The following ATXN2L variants were observed in gnomAD, a reference collection of about 807,000 sequenced individuals.
The protein encoded by ATXN2L is ataxin-2-like protein.
Under a neutral mutation model 120.7 loss-of-function variants are expected in ATXN2L, and 24 were observed. The observed-to-expected ratio is 0.20, with a 90% confidence interval of 0.14 to 0.28. The LOEUF is 0.28. Among genes scored for constraint, ATXN2L ranks in the 10% least tolerant of loss-of-function variants. ATXN2L has a pLI of 1.00. For missense variants in ATXN2L, 1,312 were observed against 1,432.3 expected (o/e 0.92, Z 1.36); for synonymous variants, 653 against 568.1 (o/e 1.15, Z -2.13).
rs1433546255 is a variant in ATXN2L, at chr16:28,836,480, G to A, written c.*215G>A. 1 of 1,610,260 alleles carries A rather than the reference G, an allele frequency of 6.2e-7. No individual in the cohort carries two copies. The highest frequency in any genetic ancestry group is 1.1e-5 in the South Asian group (1 of 90,670). ...GTGACCCCGACTGTCTCCTGACTTAGCCGAGGTAAGGTCAGTGCAGCAGAC... is the reference window on the plus strand; with the variant it reads ...GTGACCCCGACTGTCTCCTGACTTAACCGAGGTAAGGTCAGTGCAGCAGAC... On this transcript the variant is annotated 3_prime_UTR_variant, in exon 22 of 22. Transcript: ENST00000336783.
chr16:28,833,806 A>G, intron 15 of ATXN2L: 1 of 616,770 alleles, frequency 1.6e-6, no homozygotes, highest in Non-Finnish European at 2.8e-6. Context: ...TGGGGTAGTC[A>G]TGAACAGAGG....
rs936935269 is a variant in ATXN2L at position 28,826,994 on chromosome 16, C to T, written c.741+8C>T. On this transcript the variant is annotated splice_region_variant and intron_variant, in intron 6 of 21. Transcript: ENST00000336783. ...GACCTCGAGTCTGACATGGTATAGC[C>T]TCCTTCCCTGAGAACTTGGGAGCTG... 2 of 1,466,764 alleles carry T rather than the reference C, an allele frequency of 1.4e-6. No homozygotes were observed. The highest frequency in any genetic ancestry group is 1.4e-5 in the African/African-American group (1 of 70,816). 90.9% of individuals were successfully genotyped at this position (1,466,764 alleles called of 1,614,324 possible).
At position 28,823,427 on chromosome 16, in the gene ATXN2L, C is replaced by T; in HGVS notation, c.168C>T (p.Ser56=). 7.6e-7 allele frequency: 1 copy of T among 1,309,946 alleles called. No individual in the cohort carries two copies. Among genetic ancestry groups the T allele is most frequent in the East Asian group, 3.1e-5 (1 of 32,078 alleles). The allele number at this position is 1,309,946 out of a possible 1,614,324, so 81.1% of individuals were successfully genotyped here. A position where few individuals can be genotyped will look rare whatever the true frequency, so the allele number is the denominator to read the frequency against. Residue 56 remains serine (S), a synonymous_variant, in exon 1 of 22, where the codon TCC becomes TCT. Coordinates refer to ENST00000336783, the MANE Select transcript of ATXN2L (RefSeq NM_007245.4). ...CTCCCGGGCCTCCAGCGGCCGCCTCCCCCTGCCTGGGGCCTGTGGCCGCTG... is the reference window on the plus strand; with the variant it reads ...CTCCCGGGCCTCCAGCGGCCGCCTCTCCCTGCCTGGGGCCTGTGGCCGCTG... ...AAPPGPPAAA[S]PCLGPVAAAG... is the part of the protein sequence containing the mutation.
chr16:28,827,007 A>T, intron 6 of ATXN2L, 21 bp downstream of exon 6: 1 of 1,433,988 alleles, frequency 7.0e-7, no homozygotes, highest in African/African-American at 1.4e-5. Context: ...CTTCCCTGAG[A>T]ACTTGGGAGC....
chr16:28,835,213 C>T (rs1449889542), intron 19 of ATXN2L, 26 bp downstream of exon 19: 3 of 1,609,334 alleles, frequency 1.9e-6, no homozygotes, highest in African/African-American at 2.7e-5. Context: ...GGTCCCTCTG[C>T]TCTGGGCTGT....
intron 15 of ATXN2L, 104 bp from the exon 16 acceptor site, chr16:28,833,961 G>A (rs959759055): frequency 3.8e-6 from 5 of 1,307,022 alleles, no homozygotes; most frequent in Non-Finnish European, 5.4e-6. Context: ...TGCAGAATAT[G>A]TTTGGTATGC....
chr16:28,824,864 T>C (rs1479294392), intron 1 of ATXN2L, among the ~76,000 whole-genome samples: 1 of 152,148 alleles, frequency 6.6e-6, no homozygotes, highest in Non-Finnish European at 1.5e-5. Context: ...ATGTGTTTGC[T>C]GGCTTATTAA....
At chr16:28,828,057 A>G (rs1467926994) in intron 6 of ATXN2L, among the ~76,000 whole-genome samples, 1 of 152,228 alleles carries the variant, frequency 6.6e-6, no homozygotes, top group South Asian at 2.1e-4. Flanking sequence ...CTGTTTTCAA[A>G]TATACACACA....
rs189978904 is a variant in ATXN2L, at chr16:28,823,100, C to T, written c.-160C>T. 0.052 allele frequency: 9,879 copies of T among 189,534 alleles called. 260 individuals carry two copies. Among genetic ancestry groups the T allele is most frequent in the South Asian group, 0.16 (776 of 4,928 alleles). The allele number at this position is 189,534 out of a possible 1,614,324, so 11.7% of individuals were successfully genotyped here. On this transcript the variant is annotated 5_prime_UTR_variant, in exon 1 of 22. Transcript: ENST00000336783. ...TCGCGGCGCTTCCTCGCGCCGCGGTCTTCTCTCTCCACCCCCGACACCGCG... is the reference window on the plus strand; with the variant it reads ...TCGCGGCGCTTCCTCGCGCCGCGGTTTTCTCTCTCCACCCCCGACACCGCG...
intron 8 of ATXN2L, 144 bp from the exon 9 acceptor site, chr16:28,830,471 G>C: frequency 1.3e-6 from 1 of 795,904 alleles, no homozygotes; most frequent in Non-Finnish European, 1.9e-6. Flanking sequence ...AACTAGGGCA[G>C]ATCTTCAAGT....
intron 10 of ATXN2L, 62 bp from the exon 11 acceptor site, chr16:28,832,143 G>A (rs2054725567): frequency 6.4e-7 from 1 of 1,557,140 alleles, no homozygotes; most frequent in Non-Finnish European, 8.8e-7. Context: ...TTTGAGTAAG[G>A]CCCTTGTACT....
chr16:28,831,064 C>T lies in ATXN2L; in HGVS notation c.1313C>T (p.Pro438Leu), dbSNP rs150743711. The change falls in exon 10 of 22, where the codon CCT becomes CTT. Residue 438 changes from proline (P) to leucine (L), a missense_variant. Transcript: ENST00000336783. ...TCTGGAGAAACTTCTGTTCCACCTC[C>T]TCCTGCAGGTAAAGCTTTAGTAGTG... ...RPSGETSVPP[P>L]PAVGRMYPPR... is the part of the protein sequence containing the mutation. 7.5e-6 allele frequency: 12 copies of T among 1,602,292 alleles called. No individual in the cohort carries two copies. In the African/African-American group the frequency reaches 9.4e-5, roughly 13 times the overall value.
Position 28,830,052 on chromosome 16 carries a change from C to T in ATXN2L, c.1028C>T (p.Ala343Val). The part of the protein sequence containing the change: ...QGSGRESPSL[A>V]SREGKYIPLP... Reference sequence around the variant, plus strand: ...TCAGGGCGGGAGAGCCCCAGCTTGGCATCCAGGTGACTGTTGCAAACAGCC... The same window carrying T: ...TCAGGGCGGGAGAGCCCCAGCTTGGTATCCAGGTGACTGTTGCAAACAGCC... The change falls in exon 8 of 22, where the codon GCA (alanine) becomes GTA (valine). Residue 343 changes from alanine (A) to valine (V), a missense_variant. Ala to Val is a moderately conservative substitution (Grantham distance 64, BLOSUM62 0). Transcript: ENST00000336783. The T allele has an allele frequency of 1.2e-6, 2 of 1,609,462 alleles. No homozygotes were observed. The highest frequency in any genetic ancestry group is 2.2e-5 in the South Asian group (2 of 90,958).
At position 28,834,172 on chromosome 16, in the gene ATXN2L, C is replaced by G; in HGVS notation, c.2133C>G (p.Ile711Met). 6.2e-7 allele frequency: 1 copy of G among 1,614,180 alleles called. No homozygotes were observed. Among genetic ancestry groups the G allele is most frequent in the Admixed American group, 1.7e-5 (1 of 60,014 alleles). ...GTGGGCTATACAGCCCCCAGTACAT[C>G]TCCTACATACCTCAGATCCACATGG... ...GQSGLYSPQY[I>M]SYIPQIHMGP... The change falls in exon 16 of 22, where the codon ATC (isoleucine) becomes ATG (methionine). Residue 711 changes from isoleucine to methionine, a missense_variant. Ile to Met is a conservative substitution (Grantham distance 10). Coordinates refer to ENST00000336783, the MANE Select transcript of ATXN2L (RefSeq NM_007245.4).
chr16:28,834,241 T>A (rs2055646392), intron 16 of ATXN2L, 30 bp downstream of exon 16: 3 of 1,610,378 alleles, frequency 1.9e-6, no homozygotes, highest in Non-Finnish European at 2.5e-6. Context: ...GGGCCCAGGG[T>A]TAGCGGGGTG....
rs1159286969 is a variant in ATXN2L, at chr16:28,833,120, A to G, written c.1721A>G (p.Glu574Gly). Residue 574 changes from glutamate to glycine, a missense_variant, in exon 14 of 22, where the codon GAG (glutamate) becomes GGG (glycine). Glu to Gly is a moderately conservative substitution (Grantham distance 98). Coordinates refer to ENST00000336783, the MANE Select transcript of ATXN2L (RefSeq NM_007245.4). ...LDPFPPRILK[E>G]EPKGKEKEVD... ...CCTTTTCCTCCCCGGATCTTAAAGG[A>G]GGAGCCCAAAGGAAAGGAGAAAGAG... The G allele has an allele frequency of 1.2e-6, 2 of 1,614,180 alleles. No homozygotes were observed. Among genetic ancestry groups the G allele is most frequent in the Non-Finnish European group, 8.5e-7 (1 of 1,180,008 alleles).
At chr16:28,824,308 G>T in intron 1 of ATXN2L, 1 of 1,198,466 alleles carries the variant, frequency 8.3e-7, no homozygotes. Context: ...TGTGTTAATG[G>T]AATTAAGAGT....
intron 12 of ATXN2L, 88 bp from the exon 13 acceptor site, chr16:28,832,729 T>C: frequency 6.8e-7 from 1 of 1,461,372 alleles, no homozygotes; most frequent in Non-Finnish European, 9.4e-7. Flanking sequence ...TTTTCTTTGC[T>C]TTCTTGTCCT....
At position 28,834,555 on chromosome 16, in the gene ATXN2L, G is replaced by T. The variant is rs147688158; in HGVS notation, c.2295G>T (p.Pro765=). 6.2e-7 allele frequency: 1 copy of T among 1,612,200 alleles called. No homozygotes were observed. ...RSDQHQPASA[P]PMMQAAAAAG... ...ACCAACACCAGCCAGCCTCAGCCCCGCCGATGATGCAGGCCGCCGCGGCTG... is the reference window on the plus strand; with the variant it reads ...ACCAACACCAGCCAGCCTCAGCCCCTCCGATGATGCAGGCCGCCGCGGCTG... Residue 765 remains proline, a synonymous_variant, in exon 18 of 22, where the codon CCG becomes CCT. Transcript: ENST00000336783.
Sources: gnomAD v4.1 joint callset for allele counts (sites outside exome capture counted in the v4.1 genomes callset) on GRCh38, gnomAD v4.1.1 for gene constraint, MANE v1.5 for transcripts, NCBI Gene and HGNC (gene_info 2026-07-23, HGNC 2026-07-21) for gene names.